GRID2: variants seen among roughly 807,000 people sequenced by gnomAD.
GRID2 encodes the protein glutamate receptor ionotropic, delta-2.
Under a neutral mutation model 114.8 loss-of-function variants are expected in GRID2, and 33 were observed. The ratio of observed to expected loss-of-function variants is 0.29; its 90% CI spans 0.22 to 0.38. GRID2 has a LOEUF of 0.38. Among genes scored for constraint, GRID2 ranks in the 10% least tolerant of loss-of-function variants. The pLI is 1.00. For synonymous variants in GRID2, 505 were observed against 449.9 expected (o/e 1.12, Z -1.55); for missense variants, 1,184 against 1,257.7 (o/e 0.94, Z 0.89).
chr4:93,273,652 A>G (rs2149573483), intron 8 of GRID2, among the ~76,000 whole-genome samples: 1 of 152,220 alleles, frequency 6.6e-6, no homozygotes, highest in Admixed American at 6.6e-5. Flanking sequence ...CTAAAAGGGA[A>G]AAAGGGGAGA....
chr4:92,831,420 A>C (rs375224321), intron 2 of GRID2, among the ~76,000 whole-genome samples: 4 of 152,250 alleles, frequency 2.6e-5, no homozygotes, highest in Admixed American at 1.3e-4. Context: ...AAATGATTGG[A>C]GATCCAGCTG....
rs1468160574 is a variant in GRID2, at chr4:93,127,750, T to C, written c.735+16797T>C. Among the ~76,000 whole-genome samples, 3 of 151,958 alleles carry C rather than the reference T, an allele frequency of 2.0e-5. No individual in the cohort carries two copies. In the East Asian group the frequency reaches 5.8e-4, roughly 29 times the overall value. On this transcript the variant is annotated intron_variant, in intron 4 of 15. Coordinates refer to ENST00000282020, the MANE Select transcript of GRID2 (RefSeq NM_001510.4). ...TGGTGGCTCATGCCTGTAATTCTAG[T>C]TCTTGGGAGGCTGAGGCAGGAGGAT...
At chr4:92,602,651 G>A (rs1236407783) in intron 2 of GRID2, among the ~76,000 whole-genome samples, 1 of 152,112 alleles carries the variant, frequency 6.6e-6, no homozygotes, top group Non-Finnish European at 1.5e-5. Context: ...CACAAAACAA[G>A]GATGCCCTGT....
At chr4:92,305,263 C>T (rs1330350240) in intron 1 of GRID2, among the ~76,000 whole-genome samples, 2 of 152,046 alleles carry the variant, frequency 1.3e-5, no homozygotes, top group Non-Finnish European at 2.9e-5. Flanking sequence ...GCGATGGTGA[C>T]GGGGGTGCCG....
intron 2 of GRID2, among the ~76,000 whole-genome samples, chr4:92,833,229 A>G (rs1742238008): frequency 6.6e-6 from 1 of 152,206 alleles, no homozygotes; most frequent in Non-Finnish European, 1.5e-5. Context: ...GGAAGTCTGT[A>G]ATAAAATCAT....
intron 2 of GRID2, among the ~76,000 whole-genome samples, chr4:92,719,229 C>G (rs768204738): frequency 3.3e-5 from 5 of 152,038 alleles, no homozygotes; most frequent in Non-Finnish European, 5.9e-5. Flanking sequence ...TGAGATGATC[C>G]ACTCGCCTCA....
chr4:93,457,154 A>C (rs1723284121), intron 11 of GRID2, among the ~76,000 whole-genome samples: 1 of 152,186 alleles, frequency 6.6e-6, no homozygotes, highest in African/African-American at 2.4e-5. Context: ...CAGGATTACA[A>C]TTGTGGGTAG....
At chr4:93,022,272 A>G (rs1723444132) in intron 2 of GRID2, among the ~76,000 whole-genome samples, 1 of 151,988 alleles carries the variant, frequency 6.6e-6, no homozygotes, top group South Asian at 2.1e-4. Context: ...ATATGTGGGC[A>G]TATATAATGA....
Position 92,528,733 on chromosome 4 carries a change from T to C in GRID2, c.89-61398T>C, listed in dbSNP as rs562126442. Among the ~76,000 whole-genome samples, 22 of 147,086 alleles carry C rather than the reference T, an allele frequency of 1.5e-4. No homozygotes were observed. The South Asian group carries it at 4.7e-3, about 31-fold the overall frequency. ...TCTAACTCAGCTCTCAGACTGTAAATGAAGGAAGGGGTCGAACATACTTTT... is the reference window on the plus strand; with the variant it reads ...TCTAACTCAGCTCTCAGACTGTAAACGAAGGAAGGGGTCGAACATACTTTT... On this transcript the variant is annotated intron_variant, in intron 1 of 15. Transcript: ENST00000282020.
chr4:93,652,149 G>T (rs1722634088), intron 14 of GRID2, among the ~76,000 whole-genome samples: 1 of 152,104 alleles, frequency 6.6e-6, no homozygotes, highest in Non-Finnish European at 1.5e-5. Context: ...GTTTAAAAAA[G>T]TCACTGGGGC....
chr4:93,067,843 T>C (rs1728443942), intron 2 of GRID2, among the ~76,000 whole-genome samples: 1 of 152,022 alleles, frequency 6.6e-6, no homozygotes, highest in Non-Finnish European at 1.5e-5. Flanking sequence ...ATTATCCAAC[T>C]AGTTTAGGCT....
At chr4:93,630,732 G>T (rs1388022881) in intron 14 of GRID2, among the ~76,000 whole-genome samples, 1 of 152,026 alleles carries the variant, frequency 6.6e-6, no homozygotes, top group Non-Finnish European at 1.5e-5. Context: ...TTTAGAAATG[G>T]AACTAACAGT....
Position 93,772,978 on chromosome 4 carries a change from A to C in GRID2, c.*480A>C, listed in dbSNP as rs1734221706. 6.5e-6 allele frequency: 1 copy of C among 153,222 alleles called. No individual in the cohort carries two copies. The highest frequency in any genetic ancestry group is 6.5e-5 in the Admixed American group (1 of 15,340). The allele number at this position is 153,222 out of a possible 1,614,324, so 9.5% of individuals were successfully genotyped here. Reference sequence around the variant, plus strand: ...TGTCCTTTAACTGTGGACCAAAGGCAACCCCTGCAGTGTTTATAAAACAAT... The same window carrying C: ...TGTCCTTTAACTGTGGACCAAAGGCCACCCCTGCAGTGTTTATAAAACAAT... On this transcript the variant is annotated 3_prime_UTR_variant, in exon 16 of 16. Transcript: ENST00000282020.
intron 2 of GRID2, among the ~76,000 whole-genome samples, chr4:92,763,935 G>C (rs1022908142): frequency 6.6e-6 from 1 of 152,032 alleles, no homozygotes; most frequent in Non-Finnish European, 1.5e-5. Context: ...TTTGGTTGCT[G>C]GGTGGAGAAT....
chr4:93,249,725 G>T (rs1748627981), intron 8 of GRID2, among the ~76,000 whole-genome samples: 1 of 151,964 alleles, frequency 6.6e-6, no homozygotes, highest in African/African-American at 2.4e-5. Flanking sequence ...CATTTATGCA[G>T]CCAACAAACA....
At chr4:92,562,152 G>T (rs932577715) in intron 1 of GRID2, among the ~76,000 whole-genome samples, 6 of 152,076 alleles carry the variant, frequency 3.9e-5, no homozygotes, top group African/African-American at 1.4e-4. Context: ...CTTTCCTGGA[G>T]GGCTTAATTT....
At chr4:93,651,500 T>G (rs1722578388) in intron 14 of GRID2, among the ~76,000 whole-genome samples, 1 of 152,142 alleles carries the variant, frequency 6.6e-6, no homozygotes, top group Non-Finnish European at 1.5e-5. Context: ...TCTTTACACT[T>G]TGGAAATCCA....
At position 92,586,074 on chromosome 4, in the gene GRID2, T is replaced by A. The variant is rs538387229; in HGVS notation, c.89-4057T>A. ...ATTTAATCAATGATTCTTGAGTGTC[T>A]AAACTATTCAGGCTCTTTTATACAC... On this transcript the variant is annotated intron_variant, in intron 1 of 15. Transcript: ENST00000282020. Among the ~76,000 whole-genome samples the A allele has an allele frequency of 2.6e-5, 4 of 152,020 alleles. No homozygotes were observed. The East Asian group carries it at 7.7e-4, about 29-fold the overall frequency.
intron 2 of GRID2, among the ~76,000 whole-genome samples, chr4:93,029,109 AT>A (rs1386487582): frequency 6.6e-6 from 1 of 152,126 alleles, no homozygotes; most frequent in Non-Finnish European, 1.5e-5. Context: ...GCATTTTTAG[AT>A]TATTAAAATG....
Sources: gnomAD v4.1 joint callset for allele counts (sites outside exome capture counted in the v4.1 genomes callset) on GRCh38, gnomAD v4.1.1 for gene constraint, MANE v1.5 for transcripts, NCBI Gene and HGNC (gene_info 2026-07-23, HGNC 2026-07-21) for gene names.